AVEN: variants seen among roughly 807,000 people sequenced by gnomAD.
The protein encoded by AVEN is apoptosis and caspase activation inhibitor, also known as cell death regulator Aven.
Under a neutral mutation model 38.1 loss-of-function variants are expected in AVEN, and 41 were observed. The observed-to-expected ratio is 1.08, with a 90% CI of 0.84 to 1.40. The LOEUF (loss-of-function observed/expected upper bound fraction) is 1.40. Among genes scored for constraint, AVEN ranks in the 40% most tolerant of loss-of-function variants. The pLI is 0.00. For missense variants in AVEN, 605 were observed against 438.8 expected, an observed-to-expected ratio of 1.38 and a Z score of -3.38; for synonymous variants, 206 against 171.8, an observed-to-expected ratio of 1.20 and a Z score of -1.56.
At chr15:33,900,627 C>CAAAAA (rs34818160) in intron 2 of AVEN, among the ~76,000 whole-genome samples, 36 of 148,536 alleles carry the variant, frequency 2.4e-4, no homozygotes, top group African/African-American at 4.5e-4. Flanking sequence ...TTTTTAAATA[C>CAAAAA]AAAAAAAAAA....
At chr15:33,878,262 T>C (rs1025587691) in intron 2 of AVEN, among the ~76,000 whole-genome samples, 1 of 152,162 alleles carries the variant, frequency 6.6e-6, no homozygotes, top group African/African-American at 2.4e-5. Flanking sequence ...AGTTGTCTTA[T>C]TGATTATAAA....
At chr15:34,015,312 C>T (rs1162946566) in intron 1 of AVEN, among the ~76,000 whole-genome samples, 1 of 151,816 alleles carries the variant, frequency 6.6e-6, no homozygotes, top group Non-Finnish European at 1.5e-5. Flanking sequence ...TGAAACCCCA[C>T]CTCTACTAAA....
rs78112095 is a variant in AVEN, at chr15:33,987,964, G to A, written c.445+15068C>T. Among the ~76,000 whole-genome samples, 321 of 152,310 alleles carry A rather than the reference G, an allele frequency of 2.1e-3. 1 individual carries two copies. Among genetic ancestry groups the A allele is most frequent in the Middle Eastern group, 6.8e-3 (2 of 294 alleles). On this transcript the variant is annotated intron_variant, in intron 2 of 5. Transcript: ENST00000306730. ...TCTGTGACTGTCTACACAAGGAGGT[G>A]AAATGCATCAAGAAGGAAAACCACC... is the stretch of plus-strand genomic sequence containing the variant.
chr15:33,943,991 C>T (rs1487540643), intron 2 of AVEN, among the ~76,000 whole-genome samples: 1 of 152,056 alleles, frequency 6.6e-6, no homozygotes, highest in Non-Finnish European at 1.5e-5. Flanking sequence ...TCCTCAGCCT[C>T]ATAAAGGGCC....
At chr15:34,048,215 C>T (rs1025020638) in intron 5 of AVEN, among the ~76,000 whole-genome samples, 1 of 152,256 alleles carries the variant, frequency 6.6e-6, no homozygotes, top group South Asian at 2.1e-4. Flanking sequence ...CATTCCTCCT[C>T]ACTGGGTGGG....
chr15:33,939,639 C>T (rs1261335075), intron 2 of AVEN, among the ~76,000 whole-genome samples: 1 of 152,124 alleles, frequency 6.6e-6, no homozygotes, highest in East Asian at 1.9e-4. Flanking sequence ...ACATACTATC[C>T]CTCGTGTTTA....
intron 1 of AVEN, among the ~76,000 whole-genome samples, chr15:34,010,421 T>TTAA (rs1412423647): frequency 2.6e-5 from 4 of 152,156 alleles, no homozygotes; most frequent in Admixed American, 6.5e-5. Context: ...TCAGAAGTTA[T>TTAA]TAATACTAAT....
chr15:33,931,401 TGCTCTG>T (rs1187717587), intron 2 of AVEN, among the ~76,000 whole-genome samples: 1 of 114,186 alleles, frequency 8.8e-6, no homozygotes, highest in African/African-American at 3.4e-5. Flanking sequence ...GACGGAGTCT[TGCTCTG>T]TCACCCGGGC....
chr15:33,880,808 A>G (rs1567393359), intron 2 of AVEN, among the ~76,000 whole-genome samples: 1 of 152,232 alleles, frequency 6.6e-6, no homozygotes, highest in Non-Finnish European at 1.5e-5. Context: ...TATTGGGGAC[A>G]TGAGACATGG....
At chr15:33,897,181 A>G (rs7497953) in intron 2 of AVEN, among the ~76,000 whole-genome samples, 124,742 of 152,196 alleles carry the variant, frequency 0.82, 55,213 homozygotes, top group Non-Finnish European at 0.98. Flanking sequence ...CTGGGATGAT[A>G]AAAATGTTCT....
chr15:33,854,896 C>G, downstream of AVEN: 2 of 1,611,126 alleles, frequency 1.2e-6, no homozygotes, highest in Non-Finnish European at 1.7e-6. Context: ...TCATCTGTAA[C>G]TCACAATGGC....
At chr15:33,914,610 G>A (rs1026694492) in intron 2 of AVEN, among the ~76,000 whole-genome samples, 6 of 150,102 alleles carry the variant, frequency 4.0e-5, no homozygotes, top group Admixed American at 1.3e-4. Flanking sequence ...TACTAGATGA[G>A]TTATAGGATT....
At chr15:34,015,698 T>C (rs1365755007) in intron 1 of AVEN, among the ~76,000 whole-genome samples, 1 of 152,090 alleles carries the variant, frequency 6.6e-6, no homozygotes, top group Non-Finnish European at 1.5e-5. Flanking sequence ...AGAGAGACTC[T>C]AACAGACAAA....
intron 5 of AVEN, among the ~76,000 whole-genome samples, chr15:34,061,809 G>A (rs1054352856): frequency 6.6e-6 from 1 of 152,188 alleles, no homozygotes; most frequent in Non-Finnish European, 1.5e-5. Flanking sequence ...TGCACTTGGA[G>A]TTTGTGCATT....
At chr15:33,926,796 A>C (rs1893622457) in intron 2 of AVEN, among the ~76,000 whole-genome samples, 2 of 152,208 alleles carry the variant, frequency 1.3e-5, no homozygotes, top group South Asian at 4.1e-4. Flanking sequence ...CTGGGATTAC[A>C]GGCATGTGCC....
chr15:34,025,344 T>C (rs949658159), intron 1 of AVEN, among the ~76,000 whole-genome samples: 2 of 152,108 alleles, frequency 1.3e-5, no homozygotes, highest in African/African-American at 4.8e-5. Context: ...GCTTATAAAA[T>C]CGACAAGAAG....
At chr15:33,937,346 A>AAAT (rs2153052639) in intron 2 of AVEN, among the ~76,000 whole-genome samples, 1 of 150,196 alleles carries the variant, frequency 6.7e-6, no homozygotes, top group South Asian at 2.1e-4. Context: ...CATCCTGGCT[A>AAAT]ACACGGTGAA....
At chr15:33,892,428 T>G (rs2153040803) in intron 2 of AVEN, among the ~76,000 whole-genome samples, 1 of 152,282 alleles carries the variant, frequency 6.6e-6, no homozygotes, top group South Asian at 2.1e-4. Flanking sequence ...GGGATCCAGT[T>G]TCAGCTTTCT....
In AVEN at chr15:33,867,821, G is replaced by T. The variant is rs368260695; in HGVS notation, c.647C>A (p.Pro216Gln). ...TCCCTTGCCATCATCAGTTCTCTTTGGTTTCACCTGAGGAACCTCTAAAGG... is the reference window on the plus strand; with the variant it reads ...TCCCTTGCCATCATCAGTTCTCTTTTGTTTCACCTGAGGAACCTCTAAAGG... ...TVPLEVPQVK[P>Q]KRTDDGKGLG... The change falls in exon 5 of 6, where the codon CCA (proline) becomes CAA (glutamine). Residue 216 changes from proline (P) to glutamine (Q), a missense_variant. Coordinates refer to ENST00000306730, the MANE Select transcript of AVEN (RefSeq NM_020371.3). The T allele has an allele frequency of 6.2e-7, 1 of 1,603,076 alleles. No individual in the cohort carries two copies. The highest frequency in any genetic ancestry group is 1.8e-5 in the Admixed American group (1 of 56,980).
Sources: allele counts gnomAD v4.1 joint callset (sites outside exome capture counted in the v4.1 genomes callset), GRCh38; gene constraint gnomAD v4.1.1; transcripts MANE v1.5; gene names NCBI Gene and HGNC (gene_info 2026-07-23, HGNC 2026-07-21).